NUF2: variants seen among roughly 807,000 people sequenced by gnomAD.
The protein encoded by NUF2 is NUF2 component of NDC80 kinetochore complex, also known as kinetochore protein Nuf2.
Under a neutral mutation model 61.8 loss-of-function variants are expected in NUF2, and 34 were observed. The observed-to-expected ratio is 0.55, with a 90% CI of 0.42 to 0.73. The LOEUF is 0.73. Among genes scored for constraint, NUF2 ranks in the 30% least tolerant of loss-of-function variants. The probability of loss-of-function intolerance (pLI) is 0.00; values close to 1 mark genes in which losing one functional copy is unlikely to be tolerated. For synonymous variants in NUF2, 172 were observed against 181.6 expected (o/e 0.95, Z 0.42); for missense variants, 445 against 539.1 (o/e 0.83, Z 1.73).
At position 163,355,639 on chromosome 1, in the gene NUF2, A is replaced by G; in HGVS notation, c.*170A>G. On this transcript the variant is annotated 3_prime_UTR_variant, in exon 14 of 14. Transcript: ENST00000271452. ...TAAGATGAATTTAATGTAGGCTTTTATTAATTTATAATTAAAATAACTTGT... is the reference window on the plus strand; with the variant it reads ...TAAGATGAATTTAATGTAGGCTTTTGTTAATTTATAATTAAAATAACTTGT... 2.4e-6 allele frequency: 1 copy of G among 408,714 alleles called. No individual in the cohort carries two copies. The highest frequency in any genetic ancestry group is 4.4e-5 in the Admixed American group (1 of 22,790). 25.3% of individuals were successfully genotyped at this position (408,714 alleles called of 1,614,324 possible). A position where few individuals can be genotyped will look rare whatever the true frequency, so the allele number is the denominator to read the frequency against.
intron 10 of NUF2, 52 bp from the exon 11 acceptor site, chr1:163,345,626 G>A: frequency 1.3e-6 from 2 of 1,515,842 alleles, no homozygotes; most frequent in South Asian, 2.4e-5. Flanking sequence ...TATTACTGCA[G>A]CTTCATAAAG....
chr1:163,343,762 G>T lies in NUF2; in HGVS notation c.699G>T (p.Leu233Phe). The T allele has an allele frequency of 7.0e-7, 1 of 1,423,012 alleles. No individual in the cohort carries two copies. The highest frequency in any genetic ancestry group is 9.3e-7 in the Non-Finnish European group (1 of 1,070,712). The allele number at this position is 1,423,012 out of a possible 1,614,324, so 88.1% of individuals were successfully genotyped here. A position where few individuals can be genotyped will look rare whatever the true frequency, so the allele number is the denominator to read the frequency against. Residue 233 changes from leucine to phenylalanine, a missense_variant, in exon 10 of 14, where the codon TTG becomes TTT. By Grantham distance (22) the Leu-to-Phe change is conservative. Coordinates refer to ENST00000271452, the MANE Select transcript of NUF2 (RefSeq NM_145697.3). ...AACTAAAATTGTCGGTGGTTTCTTT[G>T]AAAGAAATACAAGAGAGTTTGAAAA... ...LNELKLSVVSLKEIQESLKTK... is the reference protein window; with the variant it reads ...LNELKLSVVSFKEIQESLKTK...
At chr1:163,354,802 AT>A (rs1484932287) in intron 13 of NUF2, among the ~76,000 whole-genome samples, 3 of 152,036 alleles carry the variant, frequency 2.0e-5, no homozygotes, top group Non-Finnish European at 2.9e-5. Context: ...TTTTTTTCTT[AT>A]TTAATCTATA....
chr1:163,333,998 G>T (rs1047425932), intron 5 of NUF2, among the ~76,000 whole-genome samples: 38 of 152,054 alleles, frequency 2.5e-4, no homozygotes, highest in Non-Finnish European at 1.5e-5. Context: ...GTAGTCTCCA[G>T]TGTCTGTTCT....
intron 5 of NUF2, among the ~76,000 whole-genome samples, chr1:163,329,216 A>AT (rs1324696909): frequency 6.6e-6 from 1 of 152,184 alleles, no homozygotes; most frequent in Admixed American, 6.5e-5. Context: ...TGGATTCATC[A>AT]TACCAATTTT....
chr1:163,328,038 A>T (rs1650483166), intron 3 of NUF2, 190 bp from the exon 4 acceptor site: 1 of 437,134 alleles, frequency 2.3e-6, no homozygotes, highest in African/African-American at 2.0e-5. Flanking sequence ...AAATTCATTT[A>T]AAAATCTTTA....
At position 163,331,372 on chromosome 1, in the gene NUF2, T is replaced by C. The variant is rs1428510601; in HGVS notation, c.337+2465T>C. On this transcript the variant is annotated intron_variant, in intron 5 of 13. Transcript: ENST00000271452. Reference sequence around the variant, plus strand: ...CAGGATGTGTCCTGATTGGTTATGATATATTTTTAATATATTGCTAGATTT... The same window carrying C: ...CAGGATGTGTCCTGATTGGTTATGACATATTTTTAATATATTGCTAGATTT... 2.0e-5 allele frequency among the ~76,000 whole-genome samples: 3 copies of C among 151,952 alleles called. No homozygotes were observed. The East Asian group carries it at 5.8e-4, about 29-fold the overall frequency.
intron 13 of NUF2, among the ~76,000 whole-genome samples, chr1:163,354,598 T>C (rs1034572793): frequency 2.6e-5 from 4 of 152,024 alleles, no homozygotes; most frequent in Non-Finnish European, 5.9e-5. Context: ...CTGCTTTTCT[T>C]CCCCCACTGG....
At chr1:163,353,807 G>A (rs1251587406) in intron 13 of NUF2, among the ~76,000 whole-genome samples, 2 of 152,118 alleles carry the variant, frequency 1.3e-5, no homozygotes, top group African/African-American at 4.8e-5. Context: ...CTGTGCCTGT[G>A]CCACTGGAAT....
chr1:163,326,268 C>CATCAAATAGGAGGCCA, intron 2 of NUF2, 94 bp downstream of exon 2: 2 of 1,134,586 alleles, frequency 1.8e-6, no homozygotes, highest in Non-Finnish European at 2.5e-6. Flanking sequence ...ATATGGCCTC[C>CATCAAATAGGAGGCCA]TATTTGATGG....
chr1:163,342,434 T>A (rs1268095708), intron 9 of NUF2, among the ~76,000 whole-genome samples: 1 of 152,172 alleles, frequency 6.6e-6, no homozygotes, highest in East Asian at 1.9e-4. Context: ...TTGTAGAGCA[T>A]TAAAAGAGTA....
At chr1:163,340,776 T>C (rs763137103) in intron 9 of NUF2, among the ~76,000 whole-genome samples, 15 of 152,222 alleles carry the variant, frequency 9.9e-5, no homozygotes, top group Non-Finnish European at 2.2e-4. Context: ...AATACAGTTA[T>C]GAATTTTAAA....
chr1:163,328,361 G>A (rs887916726), intron 4 of NUF2, 57 bp downstream of exon 4: 12 of 1,098,670 alleles, frequency 1.1e-5, no homozygotes, highest in African/African-American at 4.7e-5. Context: ...ATTACATTAA[G>A]TTTTCTTAAT....
chr1:163,330,730 TA>T (rs1650566799), intron 5 of NUF2, among the ~76,000 whole-genome samples: 1 of 152,134 alleles, frequency 6.6e-6, no homozygotes, highest in Non-Finnish European at 1.5e-5. Flanking sequence ...TTAAGGCTGT[TA>T]AATTTCTCAT....
At chr1:163,342,239 T>C (rs1356949706) in intron 9 of NUF2, among the ~76,000 whole-genome samples, 1 of 152,170 alleles carries the variant, frequency 6.6e-6, no homozygotes, top group Non-Finnish European at 1.5e-5. Flanking sequence ...TCTATCTTTT[T>C]TTTTGCTGGG....
At position 163,336,796 on chromosome 1, in the gene NUF2, T is replaced by C. The variant is rs749418049; in HGVS notation, c.383T>C (p.Ile128Thr). The C allele has an allele frequency of 8.7e-6, 14 of 1,612,988 alleles. No individual in the cohort carries two copies. The South Asian group carries it at 1.4e-4, about 16-fold the overall frequency. ...TTTTTAAGTGGCATTATCAACTTTA[T>C]TCACTTCAGAGAAGCATGCCGTGAA... ...SRFLSGIINF[I>T]HFREACRETY... The change falls in exon 6 of 14, where the codon ATT becomes ACT. Residue 128 changes from isoleucine to threonine, a missense_variant. By Grantham distance (89) the Ile-to-Thr change is moderately conservative (BLOSUM62 -1). Coordinates refer to ENST00000271452, the MANE Select transcript of NUF2 (RefSeq NM_145697.3).
At position 163,339,450 on chromosome 1, in the gene NUF2, A is replaced by C. The variant is rs1031709377; in HGVS notation, c.579A>C (p.Ser193=). The C allele has an allele frequency of 3.7e-6, 6 of 1,611,620 alleles. No homozygotes were observed. The highest frequency in any genetic ancestry group is 1.6e-4 in the Middle Eastern group (1 of 6,074). The change falls in exon 8 of 14, where the codon TCA becomes TCC. Residue 193 remains serine (S), a synonymous_variant. Coordinates refer to ENST00000271452, the MANE Select transcript of NUF2 (RefSeq NM_145697.3). ...LSDGIQELQQ[S]LNQDFHQKTI... ...ATGGAATTCAGGAGCTACAACAATCACTAAATCAGGATTTTCATCAAAAAA... is the reference window on the plus strand; with the variant it reads ...ATGGAATTCAGGAGCTACAACAATCCCTAAATCAGGATTTTCATCAAAAAA...
At chr1:163,340,462 T>A (rs1193223165) in intron 9 of NUF2, 36 bp downstream of exon 9, 2 of 1,488,886 alleles carry the variant, frequency 1.3e-6, no homozygotes, top group East Asian at 2.3e-5. Flanking sequence ...ATTTAAAGTT[T>A]GAATATATTG....
chr1:163,350,029 C>T (rs542409294), intron 13 of NUF2, among the ~76,000 whole-genome samples: 575 of 151,620 alleles, frequency 3.8e-3, no homozygotes, highest in Non-Finnish European at 5.9e-3. Context: ...TGGCTGGGCG[C>T]GGTGGCTCAT....
Sources: gnomAD v4.1 joint callset for allele counts (sites outside exome capture counted in the v4.1 genomes callset) on GRCh38, gnomAD v4.1.1 for gene constraint, MANE v1.5 for transcripts, NCBI Gene and HGNC (gene_info 2026-07-23, HGNC 2026-07-21) for gene names.